Variants in ATAD2B observed in about 807,000 individuals in gnomAD.
The protein encoded by ATAD2B is ATPase family AAA domain-containing protein 2B.
ATAD2B carries 40 observed loss-of-function variants against 167.6 expected under a neutral mutation model. The ratio of observed to expected loss-of-function variants is 0.24; its 90% CI spans 0.19 to 0.31. The LOEUF (loss-of-function observed/expected upper bound fraction) is 0.31. Ranked by LOEUF, ATAD2B falls within the 10% of genes least tolerant of loss-of-function variation. The pLI, the probability that ATAD2B is intolerant of heterozygous loss-of-function variation, is 1.00. For missense variants in ATAD2B, 1,242 were observed against 1,757.2 expected (o/e 0.71, Z 5.24); for synonymous variants, 579 against 596.5 (o/e 0.97, Z 0.43).
chr2:23,782,275 C>T (rs1487386127), intron 22 of ATAD2B, among the ~76,000 whole-genome samples: 3 of 152,236 alleles, frequency 2.0e-5, no homozygotes, highest in Non-Finnish European at 2.9e-5. Context: ...AAGTCCAAAT[C>T]CTATATGGTT....
chr2:23,899,011 G>T (rs1288930798), intron 1 of ATAD2B, among the ~76,000 whole-genome samples: 9 of 152,118 alleles, frequency 5.9e-5, no homozygotes, highest in Non-Finnish European at 1.2e-4. Flanking sequence ...AGCCAGGCAT[G>T]GTGGCCCATG....
rs575934577 is a variant in ATAD2B, at chr2:23,848,818, A to G, written c.1568+8597T>C. Among the ~76,000 whole-genome samples, 98 of 152,262 alleles carry G rather than the reference A, an allele frequency of 6.4e-4. 1 individual carries two copies. Among genetic ancestry groups the G allele is most frequent in the African/African-American group, 2.3e-3 (94 of 41,576 alleles). Reference sequence around the variant, plus strand: ...CTAACCATATCAATAATCACACTAAATGTATAAGTGTCCATTTTGAAGGAA... The same window carrying G: ...CTAACCATATCAATAATCACACTAAGTGTATAAGTGTCCATTTTGAAGGAA... On this transcript the variant is annotated intron_variant, in intron 13 of 27. Transcript: ENST00000238789.
intron 18 of ATAD2B, among the ~76,000 whole-genome samples, chr2:23,806,494 T>C (rs1684408420): frequency 6.6e-6 from 1 of 152,170 alleles, no homozygotes; most frequent in Admixed American, 6.5e-5. Context: ...CCCTTACAAT[T>C]TTGGTAGGGC....
the ATAD2B span, chr2:23,693,350 C>T: frequency 6.4e-7 from 1 of 1,551,632 alleles, no homozygotes; most frequent in Non-Finnish European, 8.7e-7. Context: ...TACCACATGG[C>T]CAAGGCCTTC....
the ATAD2B span, chr2:23,696,784 C>G: frequency 2.8e-6 from 1 of 361,142 alleles, no homozygotes; most frequent in Non-Finnish European, 5.0e-6. This position sits in a 1 kb window ranked among gnomAD's most constrained non-coding sequence, Gnocchi z 5.5. Flanking sequence ...AGGTGTCAGA[C>G]AAGCTGGAGG....
At chr2:23,808,039 T>C (rs1367541441) in intron 18 of ATAD2B, among the ~76,000 whole-genome samples, 1 of 79,720 alleles carries the variant, frequency 1.3e-5, no homozygotes, top group Non-Finnish European at 2.6e-5. Context: ...TATATGTAAT[T>C]TATTTATATA....
the ATAD2B span, among the ~76,000 whole-genome samples, chr2:23,706,192 C>T: frequency 2.6e-5 from 4 of 152,196 alleles, no homozygotes; most frequent in African/African-American, 7.2e-5. Flanking sequence ...GCTGAGTGCC[C>T]GCACAGAGAT....
Position 23,926,710 on chromosome 2 carries a change from G to T in ATAD2B, c.61C>A (p.Pro21Thr). 6.5e-7 allele frequency: 1 copy of T among 1,550,180 alleles called. No individual in the cohort carries two copies. The highest frequency in any genetic ancestry group is 8.7e-7 in the Non-Finnish European group (1 of 1,147,140). The change falls in exon 1 of 28, where the codon CCT (proline) becomes ACT (threonine). Residue 21 changes from proline to threonine, a missense_variant. Around this residue, in one of 9 missense-constraint regions of ATAD2B, gnomAD observed 199 missense variants for 194.9 expected, o/e 1.02. Coordinates refer to ENST00000238789, the MANE Select transcript of ATAD2B (RefSeq NM_017552.4). ...GGCTCTGCTCCGGCCCCAGGCCCAG[G>T]CCCGGGACCAGGAGACTTGGACCCG... is the stretch of plus-strand genomic sequence containing the variant. The part of the protein sequence containing the change: ...LLGSKSPGPG[P>T]GPGAGAEPGA...
At chr2:23,760,185 T>C (rs1676472077) in intron 24 of ATAD2B, among the ~76,000 whole-genome samples, 1 of 152,200 alleles carries the variant, frequency 6.6e-6, no homozygotes, top group Non-Finnish European at 1.5e-5. Flanking sequence ...GAAGTAGGAC[T>C]GGAGGTATTT....
At chr2:23,719,210 A>T in the ATAD2B span, among the ~76,000 whole-genome samples, 1 of 152,192 alleles carries the variant, frequency 6.6e-6, no homozygotes, top group Non-Finnish European at 1.5e-5. Flanking sequence ...CTGCTAAAAC[A>T]AAAAAGGTCA....
At chr2:23,755,179 G>A (rs1675808069) in intron 25 of ATAD2B, 1 of 151,554 alleles carries the variant, frequency 6.6e-6, no homozygotes, top group Non-Finnish European at 1.5e-5. Flanking sequence ...CAAAAGTGGG[G>A]CCCACCTGTC....
rs191258669 is a variant in ATAD2B at position 23,777,581 on chromosome 2, T to A, written c.3133+5288A>T. Among the ~76,000 whole-genome samples, 992 of 152,174 alleles carry A rather than the reference T, an allele frequency of 6.5e-3. 3 individuals carry two copies. Among genetic ancestry groups the A allele is most frequent in the Non-Finnish European group, 0.011 (741 of 67,986 alleles). On this transcript the variant is annotated intron_variant, in intron 22 of 27. Transcript: ENST00000238789. ...GCAAAACACAGAGGGCTCCAAAAGT[T>A]TGGGTGAATCTGGGGGCTTTAATCC...
At chr2:23,799,044 A>T (rs1683047401) in intron 18 of ATAD2B, among the ~76,000 whole-genome samples, 1 of 152,202 alleles carries the variant, frequency 6.6e-6, no homozygotes, top group South Asian at 2.1e-4. Flanking sequence ...AATAGGGACC[A>T]GGTTGGCTAT....
At chr2:23,838,732 G>C (rs1690401118) in intron 13 of ATAD2B, among the ~76,000 whole-genome samples, 1 of 152,020 alleles carries the variant, frequency 6.6e-6, no homozygotes, top group African/African-American at 2.4e-5. Context: ...TTATAGAAAA[G>C]GTCATCTTTT....
intron 22 of ATAD2B, among the ~76,000 whole-genome samples, chr2:23,782,368 G>A (rs1680191235): frequency 6.6e-6 from 1 of 152,114 alleles, no homozygotes; most frequent in African/African-American, 2.4e-5. Flanking sequence ...GTCTTCCCTG[G>A]AGAGCGATAA....
At chr2:23,923,573 C>T (rs148495127) in intron 1 of ATAD2B, among the ~76,000 whole-genome samples, 1,632 of 148,070 alleles carry the variant, frequency 0.011, 16 homozygotes, top group Middle Eastern at 0.04. Context: ...GGTGTTGATG[C>T]GGTGGTGTTT....
intron 1 of ATAD2B, among the ~76,000 whole-genome samples, chr2:23,918,970 C>T (rs888546064): frequency 6.6e-6 from 1 of 152,178 alleles, no homozygotes; most frequent in Non-Finnish European, 1.5e-5. Context: ...CAACACCTGG[C>T]ACGTATGAGA....
At chr2:23,877,314 A>G (rs947765226) in intron 7 of ATAD2B, among the ~76,000 whole-genome samples, 1 of 150,804 alleles carries the variant, frequency 6.6e-6, no homozygotes, top group Non-Finnish European at 1.5e-5. Flanking sequence ...GTGAAACCCC[A>G]TCTCTATTAA....
At chr2:23,785,588 A>G (rs1449423801) in intron 21 of ATAD2B, among the ~76,000 whole-genome samples, 1 of 152,066 alleles carries the variant, frequency 6.6e-6, no homozygotes, top group Non-Finnish European at 1.5e-5. Context: ...AGGCATTTCC[A>G]AAATATGAAA....
Sources: gnomAD v4.1 joint callset for allele counts (sites outside exome capture counted in the v4.1 genomes callset) on GRCh38, gnomAD v4.1.1 for gene constraint, gnomAD v4.1.1 regional missense constraint, Gnocchi (gnomAD v3.1) non-coding constraint, MANE v1.5 for transcripts, NCBI Gene and HGNC (gene_info 2026-07-23, HGNC 2026-07-21) for gene names.